Variants in GRM4 observed in about 807,000 individuals in gnomAD.
GRM4 encodes metabotropic glutamate receptor 4.
In GRM4, 28 loss-of-function variants were observed where a neutral mutation model predicts 81.7. The ratio of observed to expected loss-of-function variants is 0.34; its 90% confidence interval spans 0.25 to 0.47. The LOEUF (loss-of-function observed/expected upper bound fraction) is 0.47. GRM4 is among the 20% of genes least tolerant of loss of function. GRM4 has a pLI of 1.00. For synonymous variants in GRM4, 488 were observed against 528.8 expected (o/e 0.92, Z 1.06); for missense variants, 948 against 1,290.0 (o/e 0.73, Z 4.06).
At chr6:34,122,838 T>C (rs940864620) in intron 2 of GRM4, among the ~76,000 whole-genome samples, 1 of 152,168 alleles carries the variant, frequency 6.6e-6, no homozygotes, top group South Asian at 2.1e-4. Context: ...AACTCAGAAC[T>C]GTGGGGAGAG....
At chr6:34,095,060 CA>C (rs1194617194) in intron 2 of GRM4, among the ~76,000 whole-genome samples, 1 of 152,244 alleles carries the variant, frequency 6.6e-6, no homozygotes, top group Non-Finnish European at 1.5e-5. Flanking sequence ...GCCCACGGCA[CA>C]CACTGCATTC....
intron 1 of GRM4, among the ~76,000 whole-genome samples, chr6:34,153,214 C>T (rs1771082066): frequency 6.6e-6 from 1 of 152,220 alleles, no homozygotes; most frequent in African/African-American, 2.4e-5. Context: ...CTGAGCCTCT[C>T]CTCAGCCCTC....
intron 5 of GRM4, among the ~76,000 whole-genome samples, chr6:34,057,965 G>A (rs1765991915): frequency 6.6e-6 from 1 of 152,208 alleles, no homozygotes; most frequent in Non-Finnish European, 1.5e-5. Flanking sequence ...TGTGTGGTGG[G>A]TGGGTGGAGG....
At chr6:34,082,896 G>C (rs77451337) in intron 3 of GRM4, among the ~76,000 whole-genome samples, 2,720 of 152,272 alleles carry the variant, frequency 0.018, 249 homozygotes, top group Admixed American at 0.15. Context: ...CCCAGTGTCT[G>C]GGCTCTTGGC....
chr6:34,155,035 CCCACGCCCGGGGACA>C, intron 1 of GRM4: 1 of 1,420,748 alleles, frequency 7.0e-7, no homozygotes, highest in Non-Finnish European at 9.4e-7. Flanking sequence ...ACCTCCCCGT[CCCACGCCCGGGGACA>C]CGCCCGGATT....
Position 34,076,873 on chromosome 6 carries a change from A to T in GRM4, c.737-14845T>A, listed in dbSNP as rs1242980552. On this transcript the variant is annotated intron_variant, in intron 3 of 10. Transcript: ENST00000538487. ...AACGCTTGGGGGCTTGCTTGGCTAG[A>T]TGGGGGACATGGGGGGTGGAAGACA... Among the ~76,000 whole-genome samples the T allele has an allele frequency of 3.3e-5, 5 of 151,632 alleles. No homozygotes were observed. In the East Asian group the frequency reaches 5.8e-4, roughly 18 times the overall value.
At chr6:34,100,631 G>T (rs733457) in intron 2 of GRM4, among the ~76,000 whole-genome samples, 90,887 of 152,146 alleles carry the variant, frequency 0.6, 27,535 homozygotes, top group African/African-American at 0.66. Flanking sequence ...TTCATGGAGC[G>T]GACATCCGAG....
At chr6:34,066,998 A>G (rs1258862532) in intron 3 of GRM4, among the ~76,000 whole-genome samples, 2 of 151,882 alleles carry the variant, frequency 1.3e-5, no homozygotes, top group Non-Finnish European at 1.5e-5. Context: ...ACCTTCCTCC[A>G]TGCCCACCTG....
At chr6:34,100,172 T>C in intron 2 of GRM4, 1 of 357,794 alleles carries the variant, frequency 2.8e-6, no homozygotes, top group Non-Finnish European at 3.9e-6. Context: ...GGGCCCACCT[T>C]GGGCCAGCCC....
At chr6:34,138,788 C>A (rs768354307) in intron 1 of GRM4, among the ~76,000 whole-genome samples, 7 of 152,324 alleles carry the variant, frequency 4.6e-5, no homozygotes, top group Middle Eastern at 3.4e-3. Flanking sequence ...AGCCTGGCAT[C>A]CCCAGCAGGC....
intron 2 of GRM4, among the ~76,000 whole-genome samples, chr6:34,120,714 G>A (rs946632541): frequency 6.6e-6 from 1 of 151,954 alleles, no homozygotes; most frequent in Non-Finnish European, 1.5e-5. Flanking sequence ...CTCCACACAC[G>A]AGCACATCAT....
At chr6:34,139,327 G>A (rs1459065883) in intron 1 of GRM4, among the ~76,000 whole-genome samples, 2 of 152,102 alleles carry the variant, frequency 1.3e-5, no homozygotes, top group Non-Finnish European at 2.9e-5. Context: ...AGAGCAGGGA[G>A]GGAAAAAAGG....
At chr6:34,066,458 C>T (rs1432046138) in intron 3 of GRM4, among the ~76,000 whole-genome samples, 2 of 151,984 alleles carry the variant, frequency 1.3e-5, no homozygotes, top group African/African-American at 2.4e-5. Context: ...TATGTAAAAT[C>T]TAAAGACCAC....
intron 3 of GRM4, among the ~76,000 whole-genome samples, chr6:34,071,281 TACACACC>T (rs1766810841): frequency 8.1e-6 from 1 of 123,432 alleles, no homozygotes; most frequent in Non-Finnish European, 1.7e-5. Flanking sequence ...ACCACAGAGA[TACACACC>T]ACACACACAC....
In GRM4 at chr6:34,059,635, G is replaced by A. The variant is rs1766082949; in HGVS notation, c.873-507C>T. On this transcript the variant is annotated intron_variant, in intron 4 of 10. Transcript: ENST00000538487. This position sits in a 1 kb window ranked among gnomAD's most constrained non-coding sequence, Gnocchi z 5.7. ...GCTCCCTCTTCATTCACCGCCCTCTGTGCCAAAATTCCAGGTCCTTCAGAG... is the reference window on the plus strand; with the variant it reads ...GCTCCCTCTTCATTCACCGCCCTCTATGCCAAAATTCCAGGTCCTTCAGAG... The A allele has an allele frequency of 6.0e-6, 1 of 165,680 alleles. No individual in the cohort carries two copies. Among genetic ancestry groups the A allele is most frequent in the Non-Finnish European group, 1.3e-5 (1 of 76,160 alleles). 10.3% of individuals were successfully genotyped at this position (165,680 alleles called of 1,614,324 possible). A position where few individuals can be genotyped will look rare whatever the true frequency, so the allele number is the denominator to read the frequency against.
At chr6:34,057,421 C>T (rs1057306802) in intron 5 of GRM4, among the ~76,000 whole-genome samples, 1 of 152,204 alleles carries the variant, frequency 6.6e-6, no homozygotes, top group African/African-American at 2.4e-5. Flanking sequence ...TGACCGGCCA[C>T]GTGGCAGGAG....
rs1325518787 is a variant in GRM4, at chr6:34,121,207, C to T, written c.519+11771G>A. ...AAACCACTCACCCTCACACACCGCC[C>T]CCCAGTCCTAAGCCTCAGACTCCTT... is the stretch of plus-strand genomic sequence containing the variant. On this transcript the variant is annotated intron_variant, in intron 2 of 10. Transcript: ENST00000538487. This position sits in a 1 kb window ranked among gnomAD's most constrained non-coding sequence, Gnocchi z 4.6. Among the ~76,000 whole-genome samples, 1 of 152,116 alleles carries T rather than the reference C, an allele frequency of 6.6e-6. No individual in the cohort carries two copies. Among genetic ancestry groups the T allele is most frequent in the Non-Finnish European group, 1.5e-5 (1 of 68,022 alleles).
At chr6:34,061,729 G>A (rs1175188187) in intron 4 of GRM4, 164 bp downstream of exon 4, 20 of 664,678 alleles carry the variant, frequency 3.0e-5, no homozygotes, top group Non-Finnish European at 5.2e-5. Context: ...TTGTGCTCTA[G>A]CCTGTGGGTC....
intron 3 of GRM4, among the ~76,000 whole-genome samples, chr6:34,081,770 C>T (rs993640254): frequency 6.6e-6 from 1 of 152,140 alleles, no homozygotes; most frequent in Non-Finnish European, 1.5e-5. Flanking sequence ...GGGTTCACAG[C>T]GTCCCTCCAG....
Sources: allele counts gnomAD v4.1 joint callset (sites outside exome capture counted in the v4.1 genomes callset), GRCh38; gene constraint gnomAD v4.1.1; non-coding constraint Gnocchi (gnomAD v3.1); transcripts MANE v1.5; gene names NCBI Gene and HGNC (gene_info 2026-07-23, HGNC 2026-07-21).